Variants in ANKRD27 observed in about 807,000 individuals in gnomAD.
The protein encoded by ANKRD27 is ankyrin repeat domain 27.
A neutral mutation model predicts 129.7 loss-of-function variants in ANKRD27; 112 were observed. The observed-to-expected ratio is 0.86, with a 90% CI of 0.74 to 1.01. The LOEUF (loss-of-function observed/expected upper bound fraction) is 1.01, where lower values mean the gene tolerates loss of function less well. ANKRD27 is among the 50% of genes least tolerant of loss of function. The pLI, the probability that ANKRD27 is intolerant of heterozygous loss-of-function variation, is 0.00. For missense variants in ANKRD27, 1,258 were observed against 1,300.5 expected, an observed-to-expected ratio of 0.97 and a Z score of 0.50; for synonymous variants, 516 against 511.2, an observed-to-expected ratio of 1.01 and a Z score of -0.13.
At chr19:32,606,060 A>AC (rs1395117618) in intron 23 of ANKRD27, 106 bp from the exon 24 acceptor site, 2 of 1,081,792 alleles carry the variant, frequency 1.8e-6, no homozygotes, top group Non-Finnish European at 2.5e-6. Flanking sequence ...ATAAGAAAAC[A>AC]AAGTTTCTGG....
At chr19:32,620,178 C>A (rs1260313331) in intron 18 of ANKRD27, among the ~76,000 whole-genome samples, 1 of 151,556 alleles carries the variant, frequency 6.6e-6, no homozygotes, top group Non-Finnish European at 1.5e-5. Context: ...AAGCCAGAAA[C>A]AGGGATCTAA....
chr19:32,649,302 T>C (rs1344657489), intron 3 of ANKRD27, among the ~76,000 whole-genome samples: 1 of 152,150 alleles, frequency 6.6e-6, no homozygotes, highest in Non-Finnish European at 1.5e-5. Flanking sequence ...AACTAAAATA[T>C]TCATCCCTGA....
At chr19:32,645,642 C>CT (rs949718139) in intron 4 of ANKRD27, among the ~76,000 whole-genome samples, 34 of 150,746 alleles carry the variant, frequency 2.3e-4, no homozygotes, top group African/African-American at 7.3e-4. Context: ...TTATTTTTAT[C>CT]TTTTTTTTGA....
intron 25 of ANKRD27, among the ~76,000 whole-genome samples, chr19:32,602,499 G>A (rs932670138): frequency 2.6e-5 from 4 of 151,924 alleles, no homozygotes; most frequent in African/African-American, 7.3e-5. Flanking sequence ...TGGCTCACGC[G>A]TGCAATCCCA....
At chr19:32,615,598 A>G in intron 22 of ANKRD27, 60 bp downstream of exon 22, 2 of 1,613,762 alleles carry the variant, frequency 1.2e-6, no homozygotes, top group South Asian at 1.1e-5. Context: ...AACAAAAACA[A>G]AAACAAAAAC....
intron 1 of ANKRD27, chr19:32,672,826 G>A (rs990238259): frequency 6.6e-6 from 1 of 152,402 alleles, no homozygotes; most frequent in African/African-American, 2.4e-5. Flanking sequence ...GGAGCTCTAG[G>A]GCCGCTTCTC....
intron 1 of ANKRD27, among the ~76,000 whole-genome samples, chr19:32,669,395 A>G (rs1568422989): frequency 6.6e-6 from 1 of 152,214 alleles, no homozygotes; most frequent in Non-Finnish European, 1.5e-5. Context: ...TAATCCTTTT[A>G]TGAGTCTCCA....
chr19:32,629,031 C>T (rs1331102855), intron 13 of ANKRD27, among the ~76,000 whole-genome samples, 182 bp from the exon 14 acceptor site: 3 of 152,142 alleles, frequency 2.0e-5, no homozygotes, highest in African/African-American at 4.8e-5. Context: ...AGCCATTCTC[C>T]TGCCTCAGCC....
In ANKRD27 at chr19:32,619,366, G is replaced by C. The variant is rs773661911; in HGVS notation, c.1901C>G (p.Ser634Cys). ...GATGGAGTCCACGGAGCGCTGCGGG[G>C]ACTGCACAGGGGCCTGCAGCCAAGG... ...RQKSSEAPVQ[S>C]PQRSVDSISQ... The change falls in exon 20 of 29, where the codon TCC becomes TGC. Residue 634 changes from serine to cysteine, a missense_variant. Ser to Cys is a moderately radical substitution (Grantham distance 112). Coordinates refer to ENST00000306065, the MANE Select transcript of ANKRD27 (RefSeq NM_032139.3). 1 of 1,613,766 alleles carries C rather than the reference G, an allele frequency of 6.2e-7. No homozygotes were observed. Among genetic ancestry groups the C allele is most frequent in the South Asian group, 1.1e-5 (1 of 91,070 alleles).
rs753304864 is a variant in ANKRD27 at position 32,625,588 on chromosome 19, G to A, written c.1629+286C>T. ...TGGGATTACAGGTGCCCGCCACCAC[G>A]CCCTGCTAATTTTTGTATTTTTAGT... On this transcript the variant is annotated intron_variant, in intron 17 of 28. Transcript: ENST00000306065. Among the ~76,000 whole-genome samples the A allele has an allele frequency of 8.6e-5, 13 of 151,710 alleles. No individual in the cohort carries two copies. The highest frequency in any genetic ancestry group is 1.9e-4 in the Non-Finnish European group (13 of 67,968).
intron 22 of ANKRD27, among the ~76,000 whole-genome samples, chr19:32,608,772 T>G (rs1012527904): frequency 1.3e-5 from 2 of 152,060 alleles, no homozygotes; most frequent in African/African-American, 4.8e-5. Flanking sequence ...GCCAACATGG[T>G]GAAACCCCGT....
chr19:32,599,861 CATT>C (rs749382232), intron 27 of ANKRD27, 85 bp from the exon 28 acceptor site: 33 of 1,526,148 alleles, frequency 2.2e-5, no homozygotes, highest in Middle Eastern at 1.7e-4. Flanking sequence ...GCATTTTTGA[CATT>C]AGTAGGTGCA....
chr19:32,659,136 T>A, intron 1 of ANKRD27, 91 bp from the exon 2 acceptor site: 1 of 319,780 alleles, frequency 3.1e-6, no homozygotes, highest in Non-Finnish European at 5.6e-6. Flanking sequence ...GCATTTTCTT[T>A]TTCTTTTTTT....
At chr19:32,602,749 T>G (rs10410895) in intron 25 of ANKRD27, among the ~76,000 whole-genome samples, 29,330 of 151,722 alleles carry the variant, frequency 0.19, 3,543 homozygotes, top group East Asian at 0.34. Flanking sequence ...AATTAGCTGG[T>G]CATGGTGGCA....
intron 2 of ANKRD27, among the ~76,000 whole-genome samples, chr19:32,651,298 G>A (rs563929667): frequency 2.5e-4 from 38 of 152,210 alleles, no homozygotes; most frequent in African/African-American, 9.1e-4. Context: ...TCCAGCTGCA[G>A]CATGAAGGAC....
chr19:32,619,981 C>A (rs1971983594), intron 18 of ANKRD27, among the ~76,000 whole-genome samples: 1 of 152,120 alleles, frequency 6.6e-6, no homozygotes, highest in African/African-American at 2.4e-5. Flanking sequence ...GAGAAGGCAG[C>A]CTCTCTTTTC....
chr19:32,625,926 T>C lies in ANKRD27; in HGVS notation c.1577A>G (p.Asp526Gly), dbSNP rs1416249577. The stretch of plus-strand genomic sequence containing the variant: ...GTGGAGTGGCGTATTCCCATTGTTG[T>C]CCTGCACTTCCGCGCTGGCCTTGTA... The part of the protein sequence containing the change: ...LHYKASAEVQ[D>G]NNGNTPLHLA... Residue 526 changes from aspartate to glycine, a missense_variant, in exon 17 of 29, where the codon GAC becomes GGC. Physicochemically the swap from Asp to Gly is moderately conservative, Grantham distance 94. Coordinates refer to ENST00000306065, the MANE Select transcript of ANKRD27 (RefSeq NM_032139.3). 6.2e-7 allele frequency: 1 copy of C among 1,611,836 alleles called. No individual in the cohort carries two copies. The highest frequency in any genetic ancestry group is 1.1e-5 in the South Asian group (1 of 90,412).
chr19:32,639,382 G>C lies in ANKRD27; in HGVS notation c.1090C>G (p.Gln364Glu), dbSNP rs201026675. The change falls in exon 12 of 29, where the codon CAA becomes GAA. Residue 364 changes from glutamine to glutamate, a missense_variant. Physicochemically the swap from Gln to Glu is conservative, Grantham distance 29. Transcript: ENST00000306065. ...SFEAAIEYIR[Q>E]GSLSAKPPES... ...GGGGGTTTAGCAGAGAGGCTTCCTT[G>C]CCGAATATATTCAATGGCAGCTTCG... The C allele has an allele frequency of 5.0e-6, 8 of 1,614,208 alleles. No individual in the cohort carries two copies. The highest frequency in any genetic ancestry group is 6.8e-6 in the Non-Finnish European group (8 of 1,180,046).
chr19:32,654,833 G>A (rs1302720901), intron 2 of ANKRD27, among the ~76,000 whole-genome samples: 1 of 152,150 alleles, frequency 6.6e-6, no homozygotes, highest in Non-Finnish European at 1.5e-5. Flanking sequence ...CTGGGCTGGA[G>A]TGCAGTGGCG....
Sources: allele counts gnomAD v4.1 joint callset (sites outside exome capture counted in the v4.1 genomes callset), GRCh38; gene constraint gnomAD v4.1.1; transcripts MANE v1.5; gene names NCBI Gene and HGNC (gene_info 2026-07-23, HGNC 2026-07-21).